Variants in ASCC2 observed in about 807,000 individuals in gnomAD.
ASCC2 encodes activating signal cointegrator 1 complex subunit 2.
A neutral mutation model predicts 93.5 loss-of-function variants in ASCC2; 42 were observed. The observed-to-expected ratio is 0.45, with a 90% confidence interval of 0.35 to 0.58. The LOEUF (loss-of-function observed/expected upper bound fraction) is 0.58. Among genes scored for constraint, ASCC2 ranks in the 20% least tolerant of loss-of-function variants. The probability of loss-of-function intolerance (pLI) is 0.00; values close to 1 mark genes in which losing one functional copy is unlikely to be tolerated. For synonymous variants in ASCC2, 364 were observed against 384.2 expected (o/e 0.95, Z 0.62); for missense variants, 859 against 977.6 (o/e 0.88, Z 1.62).
intron 6 of ASCC2, 32 bp downstream of exon 6, chr22:29,815,974 A>C: frequency 1.3e-6 from 2 of 1,546,394 alleles, no homozygotes; most frequent in Non-Finnish European, 8.8e-7. Flanking sequence ...CTCCAAGCTC[A>C]ACCTCCCCTG....
At chr22:29,818,403 T>TACACACACACACAC (rs35685093) in intron 5 of ASCC2, among the ~76,000 whole-genome samples, 4 of 108,126 alleles carry the variant, frequency 3.7e-5, no homozygotes, top group Non-Finnish European at 5.6e-5. Context: ...ACTCCCTGCC[T>TACACACACACACAC]ACACACACAC....
Position 29,806,469 on chromosome 22 carries a change from G to A in ASCC2, c.1085+16C>T, listed in dbSNP as rs949977826. On this transcript the variant is annotated intron_variant, in intron 11 of 19. Coordinates refer to ENST00000307790, the MANE Select transcript of ASCC2 (RefSeq NM_032204.5). ...GTGGGAGGGTCATGGGCCCAGGCCA[G>A]CTCAGCCACACTCACCTCTTCTCCT... 1.9e-6 allele frequency: 3 copies of A among 1,613,210 alleles called. No homozygotes were observed. Among genetic ancestry groups the A allele is most frequent in the African/African-American group, 2.7e-5 (2 of 74,904 alleles).
intron 15 of ASCC2, among the ~76,000 whole-genome samples, chr22:29,794,422 G>A (rs1383579556): frequency 2.0e-5 from 3 of 151,888 alleles, no homozygotes; most frequent in Non-Finnish European, 4.4e-5. Context: ...AAGCTGGGAA[G>A]TGGAGGTTGC....
chr22:29,794,906 G>A (rs1256701711), intron 15 of ASCC2, among the ~76,000 whole-genome samples: 4 of 151,802 alleles, frequency 2.6e-5, no homozygotes, highest in African/African-American at 7.3e-5. Context: ...GAAGCCCCAC[G>A]CCAAATGACA....
At chr22:29,801,920 G>C (rs769569580) in intron 14 of ASCC2, 74 bp downstream of exon 14, 3 of 1,251,702 alleles carry the variant, frequency 2.4e-6, no homozygotes, top group Non-Finnish European at 3.4e-6. Context: ...ATGAATGAGG[G>C]AAGGAAGAGA....
intron 2 of ASCC2, among the ~76,000 whole-genome samples, chr22:29,831,554 T>C (rs945347255): frequency 6.6e-6 from 1 of 152,234 alleles, no homozygotes; most frequent in Non-Finnish European, 1.5e-5. Context: ...ACCAAGTTCC[T>C]GTTTCCCACG....
rs1569410952 is a variant in ASCC2, at chr22:29,818,477, C to CACACAG, written c.542-2405_542-2404insCTGTGT. Among the ~76,000 whole-genome samples, 41 of 86,374 alleles carry CACACAG rather than the reference C, an allele frequency of 4.7e-4. 1 individual carries two copies. Among genetic ancestry groups the CACACAG allele is most frequent in the South Asian group, 8.8e-4 (3 of 3,414 alleles). The allele number at this position is 86,374 out of a possible 152,430, so 56.7% of individuals were successfully genotyped here. ...ACACACACACACACACACACACACACAGTGAAGGGGCTCCTGAGGCCTGGT... is the reference window on the plus strand; with the variant it reads ...ACACACACACACACACACACACACACACACAGAGTGAAGGGGCTCCTGAGGCCTGGT... On this transcript the variant is annotated intron_variant, in intron 5 of 19. Coordinates refer to ENST00000307790, the MANE Select transcript of ASCC2 (RefSeq NM_032204.5).
intron 15 of ASCC2, chr22:29,799,124 G>A (rs139910940): frequency 6.6e-6 from 1 of 152,408 alleles, no homozygotes; most frequent in African/African-American, 2.4e-5. Context: ...AATACCATGG[G>A]CCCTGGACAA....
Position 29,801,015 on chromosome 22 carries a change from A to G in ASCC2, c.1664T>C (p.Leu555Pro). The G allele has an allele frequency of 6.3e-7, 1 of 1,597,032 alleles. No individual in the cohort carries two copies. Among genetic ancestry groups the G allele is most frequent in the Middle Eastern group, 1.7e-4 (1 of 5,998 alleles). Residue 555 changes from leucine to proline, a missense_variant, in exon 15 of 20, where the codon CTG becomes CCG. Physicochemically the swap from Leu to Pro is moderately conservative, Grantham distance 98. Transcript: ENST00000307790. ...FDVFSRDSVD[L>P]SRVHKGKSTR... is the part of the protein sequence containing the mutation. The stretch of plus-strand genomic sequence containing the variant: ...CCTCTTGCCCTTGTGCACCCGGCTC[A>G]GGTCTACTGAGTCCCTGCTGAACAC...
intron 8 of ASCC2, among the ~76,000 whole-genome samples, chr22:29,808,498 G>A (rs11912696): frequency 0.011 from 1,709 of 152,294 alleles, 29 homozygotes; most frequent in African/African-American, 0.037. Context: ...GCAGATCCAA[G>A]ATTACTTGCT....
chr22:29,828,659 C>T (rs370441758), intron 2 of ASCC2, among the ~76,000 whole-genome samples: 4 of 152,168 alleles, frequency 2.6e-5, no homozygotes, highest in East Asian at 1.9e-4. Context: ...TAAGCTCTCC[C>T]TCAGCACCTG....
At chr22:29,805,561 G>C (rs957007069) in intron 12 of ASCC2, among the ~76,000 whole-genome samples, 3 of 152,148 alleles carry the variant, frequency 2.0e-5, no homozygotes, top group African/African-American at 7.2e-5. Context: ...TTGCAGGACA[G>C]AGCCCAAACT....
At chr22:29,830,982 G>A (rs2063071123) in intron 2 of ASCC2, among the ~76,000 whole-genome samples, 1 of 152,198 alleles carries the variant, frequency 6.6e-6, no homozygotes, top group South Asian at 2.1e-4. Flanking sequence ...CTCCATCAGT[G>A]TTTCCATCAG....
intron 15 of ASCC2, among the ~76,000 whole-genome samples, chr22:29,798,839 G>A (rs1202601039): frequency 5.3e-5 from 8 of 152,222 alleles, no homozygotes; most frequent in African/African-American, 1.7e-4. Context: ...AGGATCTGGT[G>A]CTACTAAATC....
Position 29,813,473 on chromosome 22 carries a change from G to C in ASCC2, c.790C>G (p.Pro264Ala), listed in dbSNP as rs775741399. 1.2e-6 allele frequency: 2 copies of C among 1,614,152 alleles called. No individual in the cohort carries two copies. The highest frequency in any genetic ancestry group is 1.7e-6 in the Non-Finnish European group (2 of 1,179,992). The change falls in exon 8 of 20, where the codon CCT becomes GCT. Residue 264 changes from proline to alanine, a missense_variant. By Grantham distance (27) the Pro-to-Ala change is conservative. Transcript: ENST00000307790. ...TTCTGGAAGGTCTGGCAAGCCAAAG[G>C]GAAGATATCCAGAAAGGCCCAAAGT... ...TTLWAFLDIF[P>A]LACQTFQKHD...
intron 15 of ASCC2, among the ~76,000 whole-genome samples, chr22:29,799,657 AT>A (rs1320348471): frequency 6.6e-6 from 1 of 152,232 alleles, no homozygotes; most frequent in Admixed American, 6.5e-5. Context: ...TGATTTCTAG[AT>A]TCCATGCAGA....
Position 29,788,930 on chromosome 22 carries a change from C to T in ASCC2, c.*83G>A. ...TGAGGGGTTGAGTTGAACTTGGGGC[C>T]CCTAGTGAGGAGGCCCCAGGCGATG... On this transcript the variant is annotated 3_prime_UTR_variant, in exon 20 of 20. Coordinates refer to ENST00000307790, the MANE Select transcript of ASCC2 (RefSeq NM_032204.5). The T allele has an allele frequency of 6.4e-7, 1 of 1,568,692 alleles. No homozygotes were observed. Among genetic ancestry groups the T allele is most frequent in the African/African-American group, 1.4e-5 (1 of 73,682 alleles).
intron 4 of ASCC2, among the ~76,000 whole-genome samples, 159 bp from the exon 5 acceptor site, chr22:29,822,623 T>C (rs1196083717): frequency 1.4e-5 from 2 of 139,092 alleles, no homozygotes; most frequent in East Asian, 2.2e-4. Context: ...CCCCCCGCCC[T>C]TTTTTTTTTT....
At chr22:29,837,267 GAAA>G (rs34319037) in intron 1 of ASCC2, among the ~76,000 whole-genome samples, 4 of 143,958 alleles carry the variant, frequency 2.8e-5, no homozygotes, top group African/African-American at 5.1e-5. Context: ...CGTCTCTACC[GAAA>G]AAAAAAAAAA....
Sources: gnomAD v4.1 joint callset for allele counts (sites outside exome capture counted in the v4.1 genomes callset) on GRCh38, gnomAD v4.1.1 for gene constraint, MANE v1.5 for transcripts, NCBI Gene and HGNC (gene_info 2026-07-23, HGNC 2026-07-21) for gene names.